NUP58: variants seen among roughly 807,000 people sequenced by gnomAD.
The protein encoded by NUP58 is nucleoporin 58.
NUP58 carries 17 observed loss-of-function variants against 70.1 expected under a neutral mutation model. That is an observed-to-expected ratio of 0.24 (90% CI 0.17 to 0.36). NUP58 has a LOEUF of 0.36. Ranked by LOEUF, NUP58 falls within the 10% of genes least tolerant of loss-of-function variation. The pLI, the probability that NUP58 is intolerant of heterozygous loss-of-function variation, is 1.00. For synonymous variants in NUP58, 275 were observed against 257.6 expected (o/e 1.07, Z -0.65); for missense variants, 644 against 701.5 (o/e 0.92, Z 0.93).
chr13:25,340,238 A>T lies in NUP58; in HGVS notation c.*104A>T. On this transcript the variant is annotated 3_prime_UTR_variant, in exon 16 of 16. Transcript: ENST00000381736. The stretch of plus-strand genomic sequence containing the variant: ...AAATTGCATCCCAGGAGATTTATAA[A>T]GTTTTGATATTTTTCCCTACTCTGG... The T allele has an allele frequency of 8.8e-7, 1 of 1,130,210 alleles. No individual in the cohort carries two copies. Among genetic ancestry groups the T allele is most frequent in the Non-Finnish European group, 1.2e-6 (1 of 844,260 alleles). 70.0% of individuals were successfully genotyped at this position (1,130,210 alleles called of 1,614,324 possible). A position where few individuals can be genotyped will look rare whatever the true frequency, so the allele number is the denominator to read the frequency against.
intron 12 of NUP58, among the ~76,000 whole-genome samples, 197 bp downstream of exon 12, chr13:25,327,709 G>T (rs77030809): frequency 6.6e-6 from 1 of 152,064 alleles, no homozygotes. Flanking sequence ...ATCCAAGTAC[G>T]CTGTAGTCTG....
intron 9 of NUP58, among the ~76,000 whole-genome samples, chr13:25,323,558 C>T (rs2031275725): frequency 6.6e-6 from 1 of 151,998 alleles, no homozygotes; most frequent in African/African-American, 2.4e-5. Context: ...GTTCTGAATC[C>T]TCTATAAAGT....
chr13:25,346,235 C>CA (rs1342806279), downstream of NUP58, among the ~76,000 whole-genome samples: 1 of 152,162 alleles, frequency 6.6e-6, no homozygotes, highest in African/African-American at 2.4e-5. Context: ...ATTTAGTCCT[C>CA]AATCCCGTGA....
chr13:25,310,110 A>G (rs994615688), intron 3 of NUP58: 14 of 246,356 alleles, frequency 5.7e-5, no homozygotes, highest in Non-Finnish European at 1.1e-4. Flanking sequence ...TGGCACCATC[A>G]CAGCTCACTG....
At position 25,341,635 on chromosome 13, in the gene NUP58, C is replaced by T. The variant is rs927010535; in HGVS notation, c.*1501C>T. 2.6e-5 allele frequency: 4 copies of T among 152,564 alleles called. No homozygotes were observed. The highest frequency in any genetic ancestry group is 2.6e-4 in the Admixed American group (4 of 15,262). 9.5% of individuals were successfully genotyped at this position (152,564 alleles called of 1,614,324 possible). A position where few individuals can be genotyped will look rare whatever the true frequency, so the allele number is the denominator to read the frequency against. On this transcript the variant is annotated 3_prime_UTR_variant, in exon 16 of 16. Transcript: ENST00000381736. Reference sequence around the variant, plus strand: ...AATAACGCATAGGCATGTCAGGTTGCATCTGTATATTTGACTACATTAGTA... The same window carrying T: ...AATAACGCATAGGCATGTCAGGTTGTATCTGTATATTTGACTACATTAGTA...
downstream of NUP58, among the ~76,000 whole-genome samples, chr13:25,346,752 C>T (rs976028752): frequency 2.0e-5 from 3 of 150,900 alleles, no homozygotes; most frequent in Admixed American, 1.3e-4. Flanking sequence ...GAAAAATTCT[C>T]GAGTATATGA....
intron 1 of NUP58, among the ~76,000 whole-genome samples, 180 bp downstream of exon 1, chr13:25,302,060 G>A: frequency 6.6e-6 from 1 of 152,238 alleles, no homozygotes; most frequent in East Asian, 1.9e-4. Context: ...CGGGCCCAGC[G>A]CGGCCTGGTG....
chr13:25,313,511 A>G, intron 4 of NUP58, 103 bp from the exon 5 acceptor site: 1 of 1,143,082 alleles, frequency 8.7e-7, no homozygotes, highest in Non-Finnish European at 1.2e-6. Flanking sequence ...CAAAGAGCCA[A>G]TTTTATCATG....
chr13:25,315,454 C>T lies in NUP58; in HGVS notation c.672C>T (p.Ser224=), dbSNP rs151140483. Residue 224 remains serine (S), a synonymous_variant, in exon 6 of 16, where the codon TCC becomes TCT. Transcript: ENST00000381736. ...EGLGGIDFSS[S]SDKKSDKTGT... is the part of the protein sequence containing the mutation. ...TTGGTGGTATAGATTTCAGTAGCTC[C>T]TCAGATAAAAAGAGTAAGTAATGCT... 39 of 1,609,866 alleles carry T rather than the reference C, an allele frequency of 2.4e-5. No homozygotes were observed. Among genetic ancestry groups the T allele is most frequent in the African/African-American group, 2.1e-4 (16 of 74,918 alleles).
intron 1 of NUP58, among the ~76,000 whole-genome samples, chr13:25,303,515 A>T (rs1269966245): frequency 6.6e-6 from 1 of 152,104 alleles, no homozygotes; most frequent in African/African-American, 2.4e-5. Context: ...CTGATCTTAG[A>T]AAGCCTGTCC....
At position 25,338,746 on chromosome 13, in the gene NUP58, GC is replaced by G; in HGVS notation, c.1630+17del. 6.3e-7 allele frequency: 1 copy of G among 1,594,852 alleles called. No individual in the cohort carries two copies. The highest frequency in any genetic ancestry group is 8.6e-7 in the Non-Finnish European group (1 of 1,163,960). ...TCTTAGTGCAGGTTTGTGTGTTTCT[GC>G]CTGGATTTCAGGCAAATTTAAAGGT... is the stretch of plus-strand genomic sequence containing the variant. On this transcript the variant is annotated intron_variant, in intron 15 of 15. Coordinates refer to ENST00000381736, the MANE Select transcript of NUP58 (RefSeq NM_014089.4).
At chr13:25,320,697 C>T in intron 8 of NUP58, 102 bp downstream of exon 8, 1 of 849,890 alleles carries the variant, frequency 1.2e-6, no homozygotes, top group Non-Finnish European at 1.8e-6. Flanking sequence ...AGAGGAGCAT[C>T]TCTTAACTAG....
At chr13:25,328,395 CTTTTTT>C (rs397851817) in intron 12 of NUP58, among the ~76,000 whole-genome samples, 1 of 91,984 alleles carries the variant, frequency 1.1e-5, no homozygotes, top group Non-Finnish European at 2.4e-5. Flanking sequence ...CTGACTCTCG[CTTTTTT>C]TTTTTTTTTT....
intron 13 of NUP58, chr13:25,335,812 T>A: frequency 1.0e-6 from 1 of 985,530 alleles, no homozygotes; most frequent in Non-Finnish European, 1.2e-6. Flanking sequence ...ATTTAAATTT[T>A]AGTGTGTATA....
intron 12 of NUP58, among the ~76,000 whole-genome samples, chr13:25,330,224 C>T (rs1243549886): frequency 1.3e-5 from 2 of 152,210 alleles, no homozygotes; most frequent in East Asian, 3.8e-4. Context: ...GATACTGATG[C>T]TTGCCCAGGA....
At chr13:25,314,932 A>G (rs1485728913) in intron 5 of NUP58, among the ~76,000 whole-genome samples, 1 of 152,168 alleles carries the variant, frequency 6.6e-6, no homozygotes, top group Non-Finnish European at 1.5e-5. Context: ...TGTTATATTC[A>G]AATGTTATAA....
At chr13:25,306,370 G>A (rs560305509) in intron 1 of NUP58, among the ~76,000 whole-genome samples, 3 of 149,480 alleles carry the variant, frequency 2.0e-5, no homozygotes, top group African/African-American at 5.0e-5. Flanking sequence ...CTCCAGCCTG[G>A]GCAACAGAGT....
At chr13:25,321,826 A>G (rs1349251275) in intron 9 of NUP58, among the ~76,000 whole-genome samples, 1 of 152,160 alleles carries the variant, frequency 6.6e-6, no homozygotes, top group Non-Finnish European at 1.5e-5. Context: ...CTGAGGCAGG[A>G]GAATCGCTTG....
intron 13 of NUP58, chr13:25,333,927 A>C (rs1479576405): frequency 1.0e-6 from 1 of 985,314 alleles, no homozygotes; most frequent in East Asian, 1.1e-4. Context: ...TTTTATTAAC[A>C]TGAATATGGG....
Sources: allele counts gnomAD v4.1 joint callset (sites outside exome capture counted in the v4.1 genomes callset), GRCh38; gene constraint gnomAD v4.1.1; transcripts MANE v1.5; gene names NCBI Gene and HGNC (gene_info 2026-07-23, HGNC 2026-07-21).